LRRC4C: variants seen among roughly 807,000 people sequenced by gnomAD.
The protein encoded by LRRC4C is leucine rich repeat containing 4C, also known as leucine-rich repeat-containing protein 4C.
In LRRC4C, 5 loss-of-function variants were observed where a neutral mutation model predicts 33.6. The ratio of observed to expected loss-of-function variants is 0.15; its 90% confidence interval spans 0.08 to 0.31. The LOEUF (loss-of-function observed/expected upper bound fraction) is 0.31. Ranked by LOEUF, LRRC4C falls within the 10% of genes least tolerant of loss-of-function variation. The pLI is 1.00. For synonymous variants in LRRC4C, 329 were observed against 302.0 expected (o/e 1.09, Z -0.93); for missense variants, 560 against 796.7 (o/e 0.70, Z 3.58).
At chr11:40,989,283 T>G (rs1853327520) in intron 1 of LRRC4C, among the ~76,000 whole-genome samples, 1 of 152,196 alleles carries the variant, frequency 6.6e-6, no homozygotes, top group Non-Finnish European at 1.5e-5. Context: ...CTTGAGTGCT[T>G]TTTTGAATGA....
chr11:40,997,696 A>C (rs1854080962), intron 1 of LRRC4C, among the ~76,000 whole-genome samples: 1 of 152,116 alleles, frequency 6.6e-6, no homozygotes, highest in Admixed American at 6.6e-5. Flanking sequence ...ATTCCAAAAA[A>C]ATAAGCAAGG....
At chr11:40,640,535 AC>A (rs1439878792) in intron 3 of LRRC4C, among the ~76,000 whole-genome samples, 2 of 152,022 alleles carry the variant, frequency 1.3e-5, no homozygotes, top group Admixed American at 6.5e-5. Context: ...AAAGGATGAA[AC>A]AAACCCCTAA....
chr11:41,272,010 T>TA (rs1436985225), intron 1 of LRRC4C, among the ~76,000 whole-genome samples: 1 of 152,020 alleles, frequency 6.6e-6, no homozygotes, highest in Non-Finnish European at 1.5e-5. Flanking sequence ...TAAAGTCACA[T>TA]AAAAAAGAAA....
At chr11:41,450,801 A>G (rs1955994115) in intron 1 of LRRC4C, among the ~76,000 whole-genome samples, 1 of 152,108 alleles carries the variant, frequency 6.6e-6, no homozygotes, top group Non-Finnish European at 1.5e-5. Context: ...TTACTCTATT[A>G]GCACTGATAT....
chr11:41,408,168 G>A (rs990391417), intron 1 of LRRC4C, among the ~76,000 whole-genome samples: 1 of 152,142 alleles, frequency 6.6e-6, no homozygotes, highest in Non-Finnish European at 1.5e-5. Flanking sequence ...AGCAAGCAAA[G>A]CTAAAATTCC....
At chr11:40,381,311 T>C (rs1013233445) in intron 3 of LRRC4C, among the ~76,000 whole-genome samples, 2 of 151,504 alleles carry the variant, frequency 1.3e-5, no homozygotes, top group South Asian at 4.2e-4. Context: ...ATTTGGCAAA[T>C]ACAACCCATT....
At chr11:40,230,903 C>A (rs1565163237) in intron 5 of LRRC4C, among the ~76,000 whole-genome samples, 1 of 152,090 alleles carries the variant, frequency 6.6e-6, no homozygotes, top group Non-Finnish European at 1.5e-5. Flanking sequence ...CAGCAGATGC[C>A]CCTTACTTTA....
intron 3 of LRRC4C, among the ~76,000 whole-genome samples, chr11:40,338,408 T>C (rs1326969216): frequency 6.6e-6 from 1 of 152,250 alleles, no homozygotes; most frequent in East Asian, 1.9e-4. Flanking sequence ...TTGGAGTATT[T>C]ATCAAACTTA....
At chr11:40,322,971 C>T (rs984687272) in intron 3 of LRRC4C, among the ~76,000 whole-genome samples, 11 of 152,062 alleles carry the variant, frequency 7.2e-5, no homozygotes, top group Non-Finnish European at 1.2e-4. Flanking sequence ...GAAGTACTAA[C>T]GAAAGAGACT....
At chr11:41,213,191 G>A (rs1590950677) in intron 1 of LRRC4C, among the ~76,000 whole-genome samples, 1 of 152,138 alleles carries the variant, frequency 6.6e-6, no homozygotes, top group East Asian at 1.9e-4. Context: ...AAATCACTCT[G>A]AATGTCAATT....
intron 4 of LRRC4C, among the ~76,000 whole-genome samples, chr11:40,298,600 G>T (rs1384018979): frequency 2.6e-5 from 4 of 151,926 alleles, no homozygotes; most frequent in African/African-American, 7.3e-5. Flanking sequence ...ACTTAGTTGA[G>T]CCCATTGTCA....
chr11:41,447,974 T>G (rs1248186529), intron 1 of LRRC4C, among the ~76,000 whole-genome samples: 1 of 152,124 alleles, frequency 6.6e-6, no homozygotes, highest in Non-Finnish European at 1.5e-5. Flanking sequence ...TTATATCAGC[T>G]TGGCTTAATA....
At chr11:41,057,196 G>T (rs1367410697) in intron 1 of LRRC4C, among the ~76,000 whole-genome samples, 1 of 152,136 alleles carries the variant, frequency 6.6e-6, no homozygotes, top group Non-Finnish European at 1.5e-5. Context: ...CCTGCTATTT[G>T]TGCCCGCTCT....
At chr11:40,422,391 T>A (rs1311468735) in intron 3 of LRRC4C, among the ~76,000 whole-genome samples, 1 of 152,214 alleles carries the variant, frequency 6.6e-6, no homozygotes, top group African/African-American at 2.4e-5. Context: ...GTGGAGTTTT[T>A]TTATTTTACA....
chr11:41,179,453 C>T (rs560373093), intron 1 of LRRC4C, among the ~76,000 whole-genome samples: 2 of 152,320 alleles, frequency 1.3e-5, no homozygotes, highest in South Asian at 4.2e-4. Context: ...AAGCCAATTT[C>T]ACCGTGGTTG....
At position 40,711,410 on chromosome 11, in the gene LRRC4C, C is replaced by T. The variant is rs1406734539; in HGVS notation, c.-406-63132G>A. 3.9e-5 allele frequency among the ~76,000 whole-genome samples: 6 copies of T among 152,134 alleles called. No homozygotes were observed. In the East Asian group the frequency reaches 1.2e-3, roughly 29 times the overall value. On this transcript the variant is annotated intron_variant, in intron 2 of 6. Coordinates refer to ENST00000528697, the MANE Select transcript of LRRC4C (RefSeq NM_001258419.2). ...ATACCCAAAACAGGAGCTATCTTAT[C>T]TTCCCCAGTTATTGATCAAATTTTA...
intron 1 of LRRC4C, among the ~76,000 whole-genome samples, chr11:41,278,141 T>A (rs909561222): frequency 6.6e-6 from 1 of 152,128 alleles, no homozygotes; most frequent in Admixed American, 6.5e-5. Context: ...TATAGTTAAT[T>A]ACCATAAATT....
chr11:40,259,525 T>A (rs1375955659), intron 4 of LRRC4C, among the ~76,000 whole-genome samples: 5 of 151,926 alleles, frequency 3.3e-5, no homozygotes, highest in African/African-American at 1.2e-4. Flanking sequence ...GGTTTTCTTC[T>A]AGGGTTTTTA....
intron 5 of LRRC4C, among the ~76,000 whole-genome samples, chr11:40,143,719 A>G (rs541560914): frequency 6.6e-6 from 1 of 152,244 alleles, no homozygotes; most frequent in African/African-American, 2.4e-5. Context: ...TGTTCTCATA[A>G]TTCTCTGTCC....
Sources: gnomAD v4.1 joint callset for allele counts (sites outside exome capture counted in the v4.1 genomes callset) on GRCh38, gnomAD v4.1.1 for gene constraint, MANE v1.5 for transcripts, NCBI Gene and HGNC (gene_info 2026-07-23, HGNC 2026-07-21) for gene names.